The following PCDH15 variants were observed in gnomAD, a reference collection of about 807,000 sequenced individuals.
PCDH15 encodes the protein protocadherin-15.
A neutral mutation model predicts 178.5 loss-of-function variants in PCDH15; 129 were observed. The observed-to-expected ratio is 0.72, with a 90% CI of 0.63 to 0.84. The LOEUF (loss-of-function observed/expected upper bound fraction) is 0.84, where lower values mean the gene tolerates loss of function less well. Among genes scored for constraint, PCDH15 ranks in the 40% least tolerant of loss-of-function variants. The pLI, the probability that PCDH15 is intolerant of heterozygous loss-of-function variation, is 0.00. For synonymous variants in PCDH15, 800 were observed against 732.0 expected (o/e 1.09, Z -1.50); for missense variants, 2,230 against 2,099.9 (o/e 1.06, Z -1.21).
intron 2 of PCDH15, among the ~76,000 whole-genome samples, chr10:55,022,298 A>T (rs2131955804): frequency 6.6e-6 from 1 of 152,036 alleles, no homozygotes; most frequent in African/African-American, 2.4e-5. Flanking sequence ...CTAAAAACAC[A>T]AAAATTAGCT....
chr10:55,306,766 G>A (rs1843435860), intron 1 of PCDH15, among the ~76,000 whole-genome samples: 1 of 152,182 alleles, frequency 6.6e-6, no homozygotes, highest in Non-Finnish European at 1.5e-5. Context: ...TCTTGAAATA[G>A]AATGTTCAGA....
chr10:54,040,008 T>C (rs1453752517), intron 18 of PCDH15, among the ~76,000 whole-genome samples: 3 of 152,052 alleles, frequency 2.0e-5, no homozygotes, highest in Non-Finnish European at 4.4e-5. Context: ...AACATATATA[T>C]CCATTGCACT....
intron 2 of PCDH15, among the ~76,000 whole-genome samples, chr10:54,978,797 A>C (rs1424304430): frequency 6.6e-6 from 1 of 152,120 alleles, no homozygotes; most frequent in Non-Finnish European, 1.5e-5. Flanking sequence ...ATGCTATTTA[A>C]GCCTGAGTTC....
intron 13 of PCDH15, among the ~76,000 whole-genome samples, chr10:54,175,749 C>T (rs2047369181): frequency 6.6e-6 from 1 of 152,090 alleles, no homozygotes; most frequent in African/African-American, 2.4e-5. Context: ...ACTTAAAACC[C>T]TCGTTAATTT....
chr10:54,078,283 T>G (rs2094377158), intron 17 of PCDH15, among the ~76,000 whole-genome samples: 2 of 152,086 alleles, frequency 1.3e-5, no homozygotes, highest in Non-Finnish European at 2.9e-5. Flanking sequence ...TTATTTCTAT[T>G]TATCTCACTT....
intron 2 of PCDH15, among the ~76,000 whole-genome samples, chr10:55,416,012 A>T (rs1004137472): frequency 3.3e-5 from 5 of 150,814 alleles, no homozygotes; most frequent in African/African-American, 4.9e-5. Flanking sequence ...GAAAACCCAC[A>T]CTGTTAAAAG....
intron 2 of PCDH15, among the ~76,000 whole-genome samples, chr10:55,376,211 C>T (rs1157087768): frequency 6.6e-6 from 1 of 151,978 alleles, no homozygotes; most frequent in Non-Finnish European, 1.5e-5. Flanking sequence ...CAACCAAATA[C>T]TATGTAGGAT....
At chr10:54,622,652 TACTATATAA>T (rs2093406814) in intron 2 of PCDH15, among the ~76,000 whole-genome samples, 1 of 93,842 alleles carries the variant, frequency 1.1e-5, no homozygotes, top group Non-Finnish European at 1.9e-5. Flanking sequence ...ATTATATATA[TACTATATAA>T]TATATATTAT....
Position 54,061,252 on chromosome 10 carries a change from G to C in PCDH15, c.2220+5505C>G, listed in dbSNP as rs1185816251. Among the ~76,000 whole-genome samples the C allele has an allele frequency of 2.0e-5, 3 of 152,154 alleles. No homozygotes were observed. The East Asian group carries it at 5.8e-4, about 29-fold the overall frequency. ...CTAAAGATCAATTATTTGCATGCTTGTGGTCCACAGTCAAGATATGCATAC... is the reference window on the plus strand; with the variant it reads ...CTAAAGATCAATTATTTGCATGCTTCTGGTCCACAGTCAAGATATGCATAC... On this transcript the variant is annotated intron_variant, in intron 18 of 37. Coordinates refer to ENST00000644397, the MANE Select transcript of PCDH15 (RefSeq NM_001384140.1).
At chr10:53,896,137 G>C (rs2081934661) in intron 26 of PCDH15, among the ~76,000 whole-genome samples, 1 of 151,820 alleles carries the variant, frequency 6.6e-6, no homozygotes, top group Admixed American at 6.6e-5. Flanking sequence ...TTTATTTAAA[G>C]AGTGTAGGCT....
At chr10:54,229,042 A>G (rs1276404896) in intron 9 of PCDH15, among the ~76,000 whole-genome samples, 1 of 152,222 alleles carries the variant, frequency 6.6e-6, no homozygotes. Context: ...AATGCTCAAA[A>G]AAATGAATAA....
chr10:55,279,338 A>C lies in PCDH15; in HGVS notation c.-156+40261T>G, dbSNP rs968657518. 2.0e-5 allele frequency among the ~76,000 whole-genome samples: 3 copies of C among 152,196 alleles called. No individual in the cohort carries two copies. In the East Asian group the frequency reaches 5.8e-4, roughly 29 times the overall value. On this transcript the variant is annotated intron_variant, in intron 1 of 5. Transcript: ENST00000458638. ...TTACACAGATATTTAAATTCAGAAA[A>C]GTACAGCAAGGACACAAATTTTCAG...
chr10:55,556,088 T>A (rs1006555703), intron 2 of PCDH15, among the ~76,000 whole-genome samples: 1 of 152,150 alleles, frequency 6.6e-6, no homozygotes, highest in East Asian at 1.9e-4. Context: ...TCTCCATATA[T>A]ACACACACTA....
chr10:54,003,895 A>G (rs2092282613), intron 20 of PCDH15, among the ~76,000 whole-genome samples: 1 of 152,042 alleles, frequency 6.6e-6, no homozygotes, highest in Non-Finnish European at 1.5e-5. Context: ...TCCTCAACAA[A>G]ATAATAACAA....
At chr10:54,925,427 CG>C (rs774051072) in intron 2 of PCDH15, among the ~76,000 whole-genome samples, 14 of 91,940 alleles carry the variant, frequency 1.5e-4, no homozygotes, top group Admixed American at 7.4e-4. Context: ...GCTATTCAGG[CG>C]TTTTTTTTTG....
Position 53,968,539 on chromosome 10 carries a change from G to A in PCDH15, c.2869-6647C>T, listed in dbSNP as rs143705080. Among the ~76,000 whole-genome samples the A allele has an allele frequency of 2.2e-3, 341 of 152,236 alleles. 2 individuals carry two copies. The highest frequency in any genetic ancestry group is 7.5e-3 in the African/African-American group (313 of 41,548). Reference sequence around the variant, plus strand: ...AGCACAGAGTTTGAGATCTAAGAACGGACAGACTGCCTCCTCAAGTGGGTC... The same window carrying A: ...AGCACAGAGTTTGAGATCTAAGAACAGACAGACTGCCTCCTCAAGTGGGTC... On this transcript the variant is annotated intron_variant, in intron 21 of 37. Coordinates refer to ENST00000644397, the MANE Select transcript of PCDH15 (RefSeq NM_001384140.1).
chr10:54,460,870 C>T (rs1481425811), intron 3 of PCDH15, among the ~76,000 whole-genome samples: 2 of 151,906 alleles, frequency 1.3e-5, no homozygotes, highest in African/African-American at 4.8e-5. Context: ...ATAGCCAATG[C>T]TAATTAGAAA....
chr10:54,470,013 G>C (rs1423131887), intron 3 of PCDH15, among the ~76,000 whole-genome samples: 5 of 152,132 alleles, frequency 3.3e-5, no homozygotes, highest in Non-Finnish European at 7.3e-5. Flanking sequence ...TGAAGGGTGT[G>C]CTTGTGCACT....
At chr10:55,154,429 A>C (rs2132105244) in intron 2 of PCDH15, among the ~76,000 whole-genome samples, 1 of 152,300 alleles carries the variant, frequency 6.6e-6, no homozygotes, top group African/African-American at 2.4e-5. Context: ...CTCTATAGAT[A>C]ATCAGAAACA....
Sources: allele counts gnomAD v4.1 joint callset (sites outside exome capture counted in the v4.1 genomes callset), GRCh38; gene constraint gnomAD v4.1.1; transcripts MANE v1.5; gene names NCBI Gene and HGNC (gene_info 2026-07-23, HGNC 2026-07-21).